The following PCDHGB5 variants were observed in gnomAD, a reference collection of about 807,000 sequenced individuals.
PCDHGB5 encodes protocadherin gamma subfamily B, 5.
PCDHGB5 carries 48 observed loss-of-function variants against 62.9 expected under a neutral mutation model. The ratio of observed to expected loss-of-function variants is 0.76; its 90% CI spans 0.61 to 0.97. PCDHGB5 has a LOEUF of 0.97. PCDHGB5 is among the 50% of genes least tolerant of loss of function. The pLI, the probability that PCDHGB5 is intolerant of heterozygous loss-of-function variation, is 0.00. For synonymous variants in PCDHGB5, 474 were observed against 511.2 expected, an observed-to-expected ratio of 0.93 and a Z score of 0.98; for missense variants, 1,118 against 1,198.6, an observed-to-expected ratio of 0.93 and a Z score of 0.99.
intron 1 of PCDHGB5, among the ~76,000 whole-genome samples, chr5:141,438,623 TATATATATATATACACACAC>T (rs1272037524): frequency 7.0e-5 from 3 of 42,840 alleles, no homozygotes; most frequent in African/African-American, 1.6e-4. Flanking sequence ...TATATATATA[TATATATATATATACACACAC>T]ACACACACAT....
chr5:141,478,878 T>C (rs946127535), intron 1 of PCDHGB5: 8 of 1,250,076 alleles, frequency 6.4e-6, no homozygotes, highest in Non-Finnish European at 8.6e-6. Context: ...GAGTTTAGCT[T>C]GGTATCATTT....
At chr5:141,426,834 A>G (rs1561824131) in intron 1 of PCDHGB5, 1 of 456,724 alleles carries the variant, frequency 2.2e-6, no homozygotes, top group South Asian at 1.5e-5. Flanking sequence ...GATGGACAAG[A>G]CTAAAGGCAA....
At position 141,491,597 on chromosome 5, in the gene PCDHGB5, A is replaced by T. The variant is rs1389838814; in HGVS notation, c.2398-3210A>T. Reference sequence around the variant, plus strand: ...TTTTCACCGGCCTCGGACGGCAGTGACTTCACTTTTCTAAGACCCCTCAGC... The same window carrying T: ...TTTTCACCGGCCTCGGACGGCAGTGTCTTCACTTTTCTAAGACCCCTCAGC... On this transcript the variant is annotated intron_variant, in intron 1 of 3. Coordinates refer to ENST00000617380, the MANE Select transcript of PCDHGB5 (RefSeq NM_018925.3). This position sits in a 1 kb window ranked among gnomAD's most constrained non-coding sequence, Gnocchi z 6.9. 1.2e-6 allele frequency: 2 copies of T among 1,613,788 alleles called. No individual in the cohort carries two copies. The highest frequency in any genetic ancestry group is 1.7e-6 in the Non-Finnish European group (2 of 1,180,012).
intron 3 of PCDHGB5, 149 bp downstream of exon 3, chr5:141,505,630 A>G (rs558394591): frequency 4.7e-5 from 69 of 1,480,262 alleles, no homozygotes; most frequent in Admixed American, 2.2e-5. Flanking sequence ...AATTCCAAAC[A>G]TAAAGCCTGG....
intron 1 of PCDHGB5, chr5:141,413,659 A>G (rs2095663872): frequency 1.2e-6 from 2 of 1,613,830 alleles, no homozygotes; most frequent in African/African-American, 1.3e-5. Flanking sequence ...CCCGGAAGCT[A>G]TTGATCCGGA....
rs773763605 is a variant in PCDHGB5, at chr5:141,476,631, A to G, written c.2398-18176A>G. On this transcript the variant is annotated intron_variant, in intron 1 of 3. Transcript: ENST00000617380. The surrounding 1 kb of genome is among the most constrained non-coding windows in gnomAD (Gnocchi z 7.6). ...GTGGGAAGCAACTCTTTACAAACCT[A>G]TGAGCTGAGCCGAAATGAATACTTT... The G allele has an allele frequency of 2.5e-6, 4 of 1,614,224 alleles. No individual in the cohort carries two copies. Among genetic ancestry groups the G allele is most frequent in the Admixed American group, 1.7e-5 (1 of 60,032 alleles).
At position 141,491,686 on chromosome 5, in the gene PCDHGB5, C is replaced by CG; in HGVS notation, c.2398-3118dup. 1 of 1,612,970 alleles carries CG rather than the reference C, an allele frequency of 6.2e-7. No individual in the cohort carries two copies. The highest frequency in any genetic ancestry group is 2.2e-5 in the East Asian group (1 of 44,838). ...CATCCGGTCCCGCTCTAATACGCTG[C>CG]GGGAGCGGAGCCAGGTGAGGGGCTC... On this transcript the variant is annotated intron_variant, in intron 1 of 3. Transcript: ENST00000617380. The surrounding 1 kb of genome is among the most constrained non-coding windows in gnomAD (Gnocchi z 6.9).
rs2099696598 is a variant in PCDHGB5, at chr5:141,490,144, A to C, written c.2398-4663A>C. The C allele has an allele frequency of 2.5e-6, 4 of 1,614,214 alleles. No homozygotes were observed. In the East Asian group the frequency reaches 6.7e-5, roughly 27 times the overall value. ...TGGCCTAGACCCTAGCAGTGGGGCA[A>C]TCCATGTGTTGGGTCCCATAGACTT... On this transcript the variant is annotated intron_variant, in intron 1 of 3. Transcript: ENST00000617380. The surrounding 1 kb of genome is among the most constrained non-coding windows in gnomAD (Gnocchi z 5.4).
chr5:141,404,278 G>T (rs780738049), intron 1 of PCDHGB5: 7 of 1,613,962 alleles, frequency 4.3e-6, no homozygotes, highest in Admixed American at 3.3e-5. Flanking sequence ...CCCTGCAAGT[G>T]ACTGACATCA....
At position 141,409,225 on chromosome 5, in the gene PCDHGB5, C is replaced by T. The variant is rs781617309; in HGVS notation, c.2397+8701C>T. 59 of 1,613,878 alleles carry T rather than the reference C, an allele frequency of 3.7e-5. 2 individuals carry two copies. The East Asian group carries it at 1.1e-3, about 30-fold the overall frequency. On this transcript the variant is annotated intron_variant, in intron 1 of 3. Coordinates refer to ENST00000617380, the MANE Select transcript of PCDHGB5 (RefSeq NM_018925.3). ...TAATCATAGAAATCCTTGATGAAAA[C>T]GACAACAGCCCAGAAATAATCATCA...
At chr5:141,414,358 C>T (rs1414747968) in intron 1 of PCDHGB5, 1 of 1,613,818 alleles carries the variant, frequency 6.2e-7, no homozygotes, top group Non-Finnish European at 8.5e-7. Context: ...GGCGTATCTA[C>T]CATTTAAATT....
At chr5:141,404,518 T>C (rs775647026) in intron 1 of PCDHGB5, 16 of 1,613,656 alleles carry the variant, frequency 9.9e-6, no homozygotes, top group Non-Finnish European at 1.4e-5. Flanking sequence ...CCTTTGACTA[T>C]GAGCAGTTTA....
At position 141,474,586 on chromosome 5, in the gene PCDHGB5, A is replaced by T. The variant is rs149003643; in HGVS notation, c.2398-20221A>T. 7.1e-4 allele frequency among the ~76,000 whole-genome samples: 108 copies of T among 152,340 alleles called. No individual in the cohort carries two copies. The East Asian group carries it at 0.015, about 21-fold the overall frequency. The stretch of plus-strand genomic sequence containing the variant: ...TCAGAGATTAATTGAAGTGTTAAAG[A>T]CATGGAAATATAGGTCACATATGGC... On this transcript the variant is annotated intron_variant, in intron 1 of 3. Coordinates refer to ENST00000617380, the MANE Select transcript of PCDHGB5 (RefSeq NM_018925.3).
intron 3 of PCDHGB5, among the ~76,000 whole-genome samples, chr5:141,506,454 A>G (rs2099853946): frequency 6.6e-6 from 1 of 151,844 alleles, no homozygotes; most frequent in African/African-American, 2.4e-5. Context: ...CAAAAAAAAA[A>G]AAAAAAAAAA....
intron 2 of PCDHGB5, among the ~76,000 whole-genome samples, chr5:141,502,352 C>G (rs544911376): frequency 3.2e-4 from 49 of 151,888 alleles, no homozygotes; most frequent in African/African-American, 1.2e-3. Flanking sequence ...TTTTTAATGA[C>G]ATGGATATTT....
At chr5:141,447,284 C>A (rs979564320) in intron 1 of PCDHGB5, among the ~76,000 whole-genome samples, 1 of 152,124 alleles carries the variant, frequency 6.6e-6, no homozygotes, top group African/African-American at 2.4e-5. Context: ...GGACTACAGG[C>A]ACATGCCACC....
intron 1 of PCDHGB5, among the ~76,000 whole-genome samples, chr5:141,401,910 T>A (rs562648950): frequency 2.1e-4 from 32 of 152,336 alleles, no homozygotes; most frequent in African/African-American, 5.3e-4. Flanking sequence ...AATTATTATA[T>A]AAGTTTAAGT....
rs1284243936 is a variant in PCDHGB5 at position 141,399,564 on chromosome 5, G to C, written c.1437G>C (p.Leu479Phe). 3 of 1,614,038 alleles carry C rather than the reference G, an allele frequency of 1.9e-6. No individual in the cohort carries two copies. Among genetic ancestry groups the C allele is most frequent in the East Asian group, 4.5e-5 (2 of 44,884 alleles). The change falls in exon 1 of 4, where the codon TTG becomes TTC. Residue 479 changes from leucine to phenylalanine, a missense_variant. Physicochemically the swap from Leu to Phe is conservative, Grantham distance 22 (BLOSUM62 0). Transcript: ENST00000617380. ...QVCASDLDLG[L>F]NGQVSYSIMA... ...GCGCCTCGGACCTGGACTTGGGGTT[G>C]AACGGCCAAGTCTCCTACTCTATCA...
Position 141,485,616 on chromosome 5 carries a change from C to T in PCDHGB5, c.2398-9191C>T. On this transcript the variant is annotated intron_variant, in intron 1 of 3. Coordinates refer to ENST00000617380, the MANE Select transcript of PCDHGB5 (RefSeq NM_018925.3). This position sits in a 1 kb window ranked among gnomAD's most constrained non-coding sequence, Gnocchi z 5.7. ...TTGGAAATTGGGGAGGCAGCTCCTCCAGGACAGCGTTTCCCGTTGGAAAAG... is the reference window on the plus strand; with the variant it reads ...TTGGAAATTGGGGAGGCAGCTCCTCTAGGACAGCGTTTCCCGTTGGAAAAG... 1 of 1,612,210 alleles carries T rather than the reference C, an allele frequency of 6.2e-7. No individual in the cohort carries two copies.
Sources: gnomAD v4.1 joint callset for allele counts (sites outside exome capture counted in the v4.1 genomes callset) on GRCh38, gnomAD v4.1.1 for gene constraint, Gnocchi (gnomAD v3.1) non-coding constraint, MANE v1.5 for transcripts, NCBI Gene and HGNC (gene_info 2026-07-23, HGNC 2026-07-21) for gene names.